Variants in WDR88 observed in about 807,000 individuals in gnomAD.
The protein encoded by WDR88 is WD repeat-containing protein 88.
Under a neutral mutation model 46.8 loss-of-function variants are expected in WDR88, and 40 were observed. That is an observed-to-expected ratio of 0.86 (90% CI 0.66 to 1.11). The LOEUF (loss-of-function observed/expected upper bound fraction) is 1.11, where lower values mean the gene tolerates loss of function less well. Among genes scored for constraint, WDR88 ranks in the 50% most tolerant of loss-of-function variants. The pLI is 0.00. For synonymous variants in WDR88, 235 were observed against 240.7 expected (o/e 0.98, Z 0.22); for missense variants, 562 against 602.4 (o/e 0.93, Z 0.70).
intron 2 of WDR88, among the ~76,000 whole-genome samples, chr19:33,141,770 T>A (rs574777847): frequency 1.6e-4 from 24 of 152,302 alleles, no homozygotes; most frequent in South Asian, 8.3e-4. Context: ...AACCTCTGCC[T>A]CCTGAGTTCA....
In WDR88 at chr19:33,175,686, G is replaced by T; in HGVS notation, c.*114G>T. 7.5e-7 allele frequency: 1 copy of T among 1,327,338 alleles called. No homozygotes were observed. The allele number at this position is 1,327,338 out of a possible 1,614,324, so 82.2% of individuals were successfully genotyped here. A position where few individuals can be genotyped will look rare whatever the true frequency, so the allele number is the denominator to read the frequency against. ...CCAGGCTCAGCAGGCCTGTCAGACT[G>T]GGGCAGGACCCAAGCCCTGGCTGGA... On this transcript the variant is annotated 3_prime_UTR_variant, in exon 11 of 11. Transcript: ENST00000355868.
chr19:33,154,143 A>G (rs1307954669), intron 6 of WDR88, among the ~76,000 whole-genome samples: 1 of 152,182 alleles, frequency 6.6e-6, no homozygotes, highest in Non-Finnish European at 1.5e-5. Flanking sequence ...ATGTGAAATG[A>G]GAGTCCATAG....
Position 33,153,580 on chromosome 19 carries a change from C to T in WDR88, c.809+2270C>T, listed in dbSNP as rs537471951. ...TGCAATCTCGGCTCGCTGCAACCTC[C>T]GCCTCCCGGGTTCAAGCAATTCTCC... On this transcript the variant is annotated intron_variant, in intron 6 of 10. Transcript: ENST00000355868. Among the ~76,000 whole-genome samples, 8 of 152,188 alleles carry T rather than the reference C, an allele frequency of 5.3e-5. No individual in the cohort carries two copies. The South Asian group carries it at 6.2e-4, about 12-fold the overall frequency.
intron 7 of WDR88, among the ~76,000 whole-genome samples, chr19:33,157,629 A>G (rs1198084448): frequency 1.4e-5 from 2 of 139,764 alleles, no homozygotes; most frequent in Non-Finnish European, 3.1e-5. Context: ...ATATATATGT[A>G]TGTGTATATA....
intron 6 of WDR88, among the ~76,000 whole-genome samples, chr19:33,155,378 C>T (rs957255468): frequency 6.6e-6 from 1 of 152,138 alleles, no homozygotes; most frequent in African/African-American, 2.4e-5. Flanking sequence ...TGGGCTCAAG[C>T]AATCCTTCCA....
intron 6 of WDR88, 42 bp downstream of exon 6, chr19:33,151,352 G>A (rs780606181): frequency 6.3e-7 from 1 of 1,597,426 alleles, no homozygotes; most frequent in South Asian, 1.1e-5. Flanking sequence ...TTTGGGTGGG[G>A]CGTCCCCATT....
intron 5 of WDR88, among the ~76,000 whole-genome samples, chr19:33,150,255 C>A (rs1973605915): frequency 6.6e-6 from 1 of 151,926 alleles, no homozygotes; most frequent in African/African-American, 2.4e-5. Flanking sequence ...AGTTCAAGAC[C>A]AGCCTGGCCA....
intron 1 of WDR88, among the ~76,000 whole-genome samples, chr19:33,135,059 G>C (rs200298105): frequency 9.3e-5 from 14 of 151,006 alleles, no homozygotes; most frequent in Non-Finnish European, 1.6e-4. Flanking sequence ...GGGTGGGTGG[G>C]GGGGGTGACA....
Position 33,132,185 on chromosome 19 carries a change from C to G in WDR88, c.16C>G (p.Arg6Gly), listed in dbSNP as rs1203946416. MASPP[R>G]CSPTAHDREC... Reference sequence around the variant, plus strand: ...GGGCTTCGAGATGGCCTCCCCGCCGCGGTGCTCCCCGACAGCCCATGACAG... The same window carrying G: ...GGGCTTCGAGATGGCCTCCCCGCCGGGGTGCTCCCCGACAGCCCATGACAG... Residue 6 changes from arginine (R) to glycine (G), a missense_variant, in exon 1 of 11, where the codon CGG becomes GGG. Physicochemically the swap from Arg to Gly is moderately radical, Grantham distance 125. Transcript: ENST00000355868. 4.4e-6 allele frequency: 7 copies of G among 1,597,236 alleles called. No homozygotes were observed. The South Asian group carries it at 6.6e-5, about 15-fold the overall frequency.
intron 6 of WDR88, 29 bp downstream of exon 6, chr19:33,151,339 G>A (rs1465382099): frequency 6.2e-7 from 1 of 1,604,832 alleles, no homozygotes; most frequent in Non-Finnish European, 8.5e-7. Context: ...GGCCAGAAGG[G>A]AGTTTGGGTG....
At chr19:33,173,329 C>G (rs1207312343) in intron 10 of WDR88, among the ~76,000 whole-genome samples, 1 of 152,140 alleles carries the variant, frequency 6.6e-6, no homozygotes. Flanking sequence ...CCCCACTTCC[C>G]ATGCAAAAGG....
chr19:33,161,878 T>C (rs1380900430), intron 8 of WDR88, among the ~76,000 whole-genome samples: 3 of 152,068 alleles, frequency 2.0e-5, no homozygotes, highest in African/African-American at 7.2e-5. Flanking sequence ...GGCATAAGAA[T>C]CTCTAGAGCC....
At chr19:33,144,776 C>T in intron 2 of WDR88, 68 bp from the exon 3 acceptor site, 1 of 1,458,088 alleles carries the variant, frequency 6.9e-7, no homozygotes, top group Non-Finnish European at 9.5e-7. Flanking sequence ...TAATGTTGAC[C>T]TCGATTTACG....
At chr19:33,166,895 G>A (rs1973962901) in intron 9 of WDR88, among the ~76,000 whole-genome samples, 1 of 152,152 alleles carries the variant, frequency 6.6e-6, no homozygotes, top group Non-Finnish European at 1.5e-5. Context: ...TATCCTGGGT[G>A]ACAGAGCTAG....
At chr19:33,136,741 T>G (rs577404148) in intron 1 of WDR88, among the ~76,000 whole-genome samples, 5 of 150,450 alleles carry the variant, frequency 3.3e-5, no homozygotes, top group Non-Finnish European at 7.4e-5. Context: ...TTATTTATTT[T>G]TATTTTTTAT....
Position 33,137,742 on chromosome 19 carries a change from C to A in WDR88, c.342C>A (p.Asp114Glu), listed in dbSNP as rs748688646. ...AVSTCHFCVD[D>E]TKLLSGSYDC... is the part of the protein sequence containing the mutation. ...GCACCTGCCACTTCTGTGTGGATGACACAAAGCTCCTCAGTGGCTCCTATG... is the reference window on the plus strand; with the variant it reads ...GCACCTGCCACTTCTGTGTGGATGAAACAAAGCTCCTCAGTGGCTCCTATG... Residue 114 changes from aspartate to glutamate, a missense_variant, in exon 2 of 11, where the codon GAC becomes GAA. Transcript: ENST00000355868. 6.2e-7 allele frequency: 1 copy of A among 1,613,744 alleles called. No individual in the cohort carries two copies. Among genetic ancestry groups the A allele is most frequent in the East Asian group, 2.2e-5 (1 of 44,890 alleles).
In WDR88 at chr19:33,148,837, C is replaced by T; in HGVS notation, c.606C>T (p.Val202=). The T allele has an allele frequency of 1.9e-6, 3 of 1,614,168 alleles. No individual in the cohort carries two copies. Among genetic ancestry groups the T allele is most frequent in the Non-Finnish European group, 2.5e-6 (3 of 1,180,040 alleles). The part of the protein sequence containing the change: ...CKFSPDGKYV[V]SGFDVDHGIC... ...TTTCTCCTGATGGTAAATACGTGGT[C>T]TCAGGCTTCGACGTGGATCATGGAA... The change falls in exon 5 of 11, where the codon GTC becomes GTT. Residue 202 remains valine, a synonymous_variant. Coordinates refer to ENST00000355868, the MANE Select transcript of WDR88 (RefSeq NM_173479.4).
chr19:33,162,367 AT>A (rs111650843), intron 8 of WDR88, among the ~76,000 whole-genome samples: 33,479 of 148,488 alleles, frequency 0.23, 4,270 homozygotes, highest in South Asian at 0.43. Flanking sequence ...TGCCCGGCTA[AT>A]TTTTTTTTTT....
At position 33,175,486 on chromosome 19, in the gene WDR88, A is replaced by G. The variant is rs757478322; in HGVS notation, c.1333A>G (p.Arg445Gly). Residue 445 changes from arginine to glycine, a missense_variant, in exon 11 of 11, where the codon AGG (arginine) becomes GGG (glycine). Transcript: ENST00000355868. ...ATGCGTGTTCTGCCGGATAGATACA[A>G]GGGGCTTGCCAGCAGATACTTCATC... Reference protein sequence around the residue: ...TQCVFCRIDTRGLPADTSSSS... With the variant: ...TQCVFCRIDTGGLPADTSSSS... 4 of 1,614,110 alleles carry G rather than the reference A, an allele frequency of 2.5e-6. No homozygotes were observed. The highest frequency in any genetic ancestry group is 2.7e-5 in the African/African-American group (2 of 74,950).
Sources: gnomAD v4.1 joint callset for allele counts (sites outside exome capture counted in the v4.1 genomes callset) on GRCh38, gnomAD v4.1.1 for gene constraint, MANE v1.5 for transcripts, NCBI Gene and HGNC (gene_info 2026-07-23, HGNC 2026-07-21) for gene names.